Variants in MCTP2 observed in about 807,000 individuals in gnomAD.
The protein encoded by MCTP2 is multiple C2 and transmembrane domain-containing protein 2.
In MCTP2, 132 loss-of-function variants were observed where a neutral mutation model predicts 111.6. The ratio of observed to expected loss-of-function variants is 1.18; its 90% CI spans 1.03 to 1.37. The LOEUF is 1.37. MCTP2 is among the 40% of genes most tolerant of loss of function. The pLI is 0.00. For missense variants in MCTP2, 1,183 were observed against 1,067.9 expected, an observed-to-expected ratio of 1.11 and a Z score of -1.50; for synonymous variants, 395 against 387.7, an observed-to-expected ratio of 1.02 and a Z score of -0.22.
rs768807422 is a variant in MCTP2 at position 94,356,217 on chromosome 15, G to A, written c.1086G>A (p.Leu362=). The A allele has an allele frequency of 9.9e-6, 16 of 1,613,534 alleles. No individual in the cohort carries two copies. The highest frequency in any genetic ancestry group is 1.4e-5 in the Non-Finnish European group (16 of 1,179,692). Residue 362 remains leucine (L), a synonymous_variant, in exon 9 of 23, where the codon TTG becomes TTA. Coordinates refer to ENST00000357742, the MANE Select transcript of MCTP2 (RefSeq NM_001385001.1). ...GGAACGGGATTATAAGTATAACTTTGTTGGAAGGGAAGAATGTCTCAGGAG... is the reference window on the plus strand; with the variant it reads ...GGAACGGGATTATAAGTATAACTTTATTGGAAGGGAAGAATGTCTCAGGAG... ...QLWNGIISIT[L]LEGKNVSGGS... is the part of the protein sequence containing the mutation.
At chr15:94,328,909 G>A (rs1488322619) in intron 4 of MCTP2, among the ~76,000 whole-genome samples, 2 of 152,176 alleles carry the variant, frequency 1.3e-5, no homozygotes, top group Non-Finnish European at 2.9e-5. Flanking sequence ...TATTGTGTGT[G>A]TGGAATCAGG....
intron 19 of MCTP2, among the ~76,000 whole-genome samples, chr15:94,455,289 A>G (rs1345234702): frequency 1.3e-5 from 2 of 152,252 alleles, no homozygotes; most frequent in African/African-American, 4.8e-5. Context: ...GTTCCTGTGA[A>G]TGAATATAAA....
chr15:94,323,816 T>TAAC, intron 4 of MCTP2, among the ~76,000 whole-genome samples: 1 of 152,172 alleles, frequency 6.6e-6, no homozygotes, highest in Non-Finnish European at 1.5e-5. Context: ...TGTGTTGTGT[T>TAAC]CATCTGACCC....
chr15:94,402,851 G>T, intron 17 of MCTP2: 2 of 1,230,162 alleles, frequency 1.6e-6, no homozygotes, highest in South Asian at 2.5e-5. Context: ...AGGTATGAGT[G>T]GTCTAAGAGT....
intron 20 of MCTP2, among the ~76,000 whole-genome samples, chr15:94,458,719 A>G (rs1469697672): frequency 6.6e-6 from 1 of 152,224 alleles, no homozygotes; most frequent in African/African-American, 2.4e-5. Flanking sequence ...AAGTCACCAC[A>G]TATATGGATG....
intron 1 of MCTP2, among the ~76,000 whole-genome samples, chr15:94,296,607 G>A (rs2075287466): frequency 6.6e-6 from 1 of 152,212 alleles, no homozygotes; most frequent in African/African-American, 2.4e-5. Context: ...TGAGAATAAT[G>A]ATAGAGACAC....
chr15:94,334,587 G>A (rs1467154181), intron 4 of MCTP2, among the ~76,000 whole-genome samples: 1 of 152,228 alleles, frequency 6.6e-6, no homozygotes, highest in Non-Finnish European at 1.5e-5. Context: ...CCAGGTTATA[G>A]TGCAGTGGCA....
At chr15:94,376,277 A>G (rs564717678) in intron 12 of MCTP2, among the ~76,000 whole-genome samples, 2 of 152,190 alleles carry the variant, frequency 1.3e-5, no homozygotes, top group South Asian at 2.1e-4. Flanking sequence ...AGCCTTTTCC[A>G]TGGGCCCTGG....
chr15:94,252,091 A>G (rs1596185360), intron 1 of MCTP2, among the ~76,000 whole-genome samples: 2 of 152,222 alleles, frequency 1.3e-5, no homozygotes, highest in Admixed American at 1.3e-4. Flanking sequence ...TCGGTGTACA[A>G]TTATTTAAGT....
chr15:94,261,162 G>T (rs559368734), intron 1 of MCTP2, among the ~76,000 whole-genome samples: 17 of 152,272 alleles, frequency 1.1e-4, no homozygotes, highest in African/African-American at 3.8e-4. Context: ...CCAAACCAAT[G>T]TGTATCTTTC....
chr15:94,367,349 C>T (rs2079243311), intron 10 of MCTP2, among the ~76,000 whole-genome samples: 1 of 152,142 alleles, frequency 6.6e-6, no homozygotes, highest in Non-Finnish European at 1.5e-5. Flanking sequence ...CAAGGATCCA[C>T]TCCTCTCTTT....
intron 1 of MCTP2, among the ~76,000 whole-genome samples, chr15:94,243,674 CAT>C (rs762970426): frequency 2.5e-4 from 37 of 147,968 alleles, no homozygotes; most frequent in East Asian, 1.4e-3. Context: ...TATATATACA[CAT>C]ATATGTATAC....
At chr15:94,365,920 A>G (rs1465363825) in intron 10 of MCTP2, among the ~76,000 whole-genome samples, 2 of 152,204 alleles carry the variant, frequency 1.3e-5, no homozygotes, top group South Asian at 2.1e-4. Flanking sequence ...TTACCTTTCC[A>G]TAAGAAAGAG....
chr15:94,448,457 A>G (rs1165055559), intron 19 of MCTP2, among the ~76,000 whole-genome samples: 1 of 152,214 alleles, frequency 6.6e-6, no homozygotes. Flanking sequence ...TTCGTAGTCT[A>G]TATAGATTGA....
chr15:94,295,784 G>A (rs976845479), intron 1 of MCTP2, among the ~76,000 whole-genome samples: 7 of 151,934 alleles, frequency 4.6e-5, no homozygotes, highest in African/African-American at 1.5e-4. Context: ...GCATGGTGGC[G>A]TGTGTCTGTA....
chr15:94,284,215 T>C (rs1296499006), intron 1 of MCTP2, among the ~76,000 whole-genome samples: 1 of 152,206 alleles, frequency 6.6e-6, no homozygotes, highest in African/African-American at 2.4e-5. Context: ...ATATTTTGTA[T>C]ATCCCTAATT....
intron 1 of MCTP2, among the ~76,000 whole-genome samples, chr15:94,235,316 G>A (rs755454790): frequency 1.3e-5 from 2 of 151,592 alleles, no homozygotes; most frequent in Non-Finnish European, 2.9e-5. Context: ...GATGTTCTTC[G>A]AGTCCGGCAG....
chr15:94,361,448 G>GTGA (rs2078937953), intron 10 of MCTP2, among the ~76,000 whole-genome samples: 1 of 152,168 alleles, frequency 6.6e-6, no homozygotes, highest in African/African-American at 2.4e-5. Flanking sequence ...GACTTGGACA[G>GTGA]TGATTCCCTG....
chr15:94,237,715 G>C (rs1460635292), intron 1 of MCTP2, among the ~76,000 whole-genome samples: 1 of 152,130 alleles, frequency 6.6e-6, no homozygotes, highest in Non-Finnish European at 1.5e-5. Context: ...ATTAAAGCTA[G>C]ATCTTTTTCT....
Sources: gnomAD v4.1 joint callset for allele counts (sites outside exome capture counted in the v4.1 genomes callset) on GRCh38, gnomAD v4.1.1 for gene constraint, MANE v1.5 for transcripts, NCBI Gene and HGNC (gene_info 2026-07-23, HGNC 2026-07-21) for gene names.